The following SUGP1 variants were observed in gnomAD, a reference collection of about 807,000 sequenced individuals.
SUGP1 encodes SURP and G-patch domain-containing protein 1.
SUGP1 carries 34 observed loss-of-function variants against 76.5 expected under a neutral mutation model. The ratio of observed to expected loss-of-function variants is 0.44; its 90% CI spans 0.34 to 0.59. SUGP1 has a LOEUF of 0.59. Among genes scored for constraint, SUGP1 ranks in the 20% least tolerant of loss-of-function variants. SUGP1 has a pLI of 0.01. For missense variants in SUGP1, 752 were observed against 851.7 expected (o/e 0.88, Z 1.46); for synonymous variants, 326 against 326.2 (o/e 1.00, Z 0.01).
chr19:19,282,377 T>C (rs1237730691), intron 8 of SUGP1, among the ~76,000 whole-genome samples: 3 of 150,496 alleles, frequency 2.0e-5, no homozygotes, highest in East Asian at 2.0e-4. Context: ...GGTGGGAGGA[T>C]AGCTTGAGCC....
chr19:19,315,837 T>C (rs2061390271), intron 2 of SUGP1, among the ~76,000 whole-genome samples: 1 of 151,900 alleles, frequency 6.6e-6, no homozygotes, highest in Admixed American at 6.6e-5. Context: ...AGGTTTTTTT[T>C]TGTTTTTTTT....
chr19:19,309,726 T>C (rs1330239979), intron 3 of SUGP1, among the ~76,000 whole-genome samples: 1 of 151,940 alleles, frequency 6.6e-6, no homozygotes, highest in African/African-American at 2.4e-5. Context: ...CTGGATAACA[T>C]GATGAAACCC....
intron 2 of SUGP1, among the ~76,000 whole-genome samples, chr19:19,311,682 G>A (rs1400688493): frequency 2.1e-5 from 3 of 142,662 alleles, no homozygotes; most frequent in South Asian, 4.4e-4. Context: ...AGCCAAGATT[G>A]CGCCACTGCA....
intron 2 of SUGP1, among the ~76,000 whole-genome samples, chr19:19,311,414 T>G (rs1444099075): frequency 2.0e-5 from 3 of 151,502 alleles, no homozygotes; most frequent in African/African-American, 4.8e-5. Context: ...CAAGATTGCT[T>G]TGGCTGTTTT....
intron 3 of SUGP1, 34 bp downstream of exon 3, chr19:19,310,063 G>C: frequency 6.4e-7 from 1 of 1,567,862 alleles, no homozygotes; most frequent in Non-Finnish European, 8.8e-7. Flanking sequence ...GGAGATGCAA[G>C]GACAGCACAA....
chr19:19,303,298 G>A lies in SUGP1; in HGVS notation c.763+50C>T, dbSNP rs758151949. ...GAACCCCGATTCCGCATTGGGGCAC[G>A]GTATGTCCACAGGCCTCCCCAGAAT... is the stretch of plus-strand genomic sequence containing the variant. On this transcript the variant is annotated intron_variant, in intron 6 of 13. Transcript: ENST00000247001. The A allele has an allele frequency of 1.4e-5, 21 of 1,510,054 alleles. No individual in the cohort carries two copies. The East Asian group carries it at 1.6e-4, about 11-fold the overall frequency. The allele number at this position is 1,510,054 out of a possible 1,614,324, so 93.5% of individuals were successfully genotyped here.
intron 6 of SUGP1, 172 bp from the exon 7 acceptor site, chr19:19,302,560 C>G (rs2061280475): frequency 1.1e-6 from 1 of 928,430 alleles, no homozygotes; most frequent in African/African-American, 1.7e-5. Context: ...TCATAACACA[C>G]CTCAAGCCCC....
chr19:19,277,355 C>T (rs748728843), intron 12 of SUGP1, among the ~76,000 whole-genome samples: 3 of 152,192 alleles, frequency 2.0e-5, no homozygotes, highest in Non-Finnish European at 4.4e-5. Context: ...CAAGGACAGC[C>T]TTGAAGGGGG....
intron 8 of SUGP1, among the ~76,000 whole-genome samples, chr19:19,295,591 G>C (rs1421684930): frequency 3.1e-5 from 4 of 128,010 alleles, no homozygotes. Context: ...GGGCAACACA[G>C]TGAGACTCCT....
chr19:19,285,802 C>T (rs893241501), intron 8 of SUGP1, among the ~76,000 whole-genome samples: 7 of 151,486 alleles, frequency 4.6e-5, no homozygotes, highest in Non-Finnish European at 1.0e-4. Flanking sequence ...AGGCCTCAAG[C>T]GATCCGCCCA....
At chr19:19,288,841 A>C (rs1019295869) in intron 8 of SUGP1, among the ~76,000 whole-genome samples, 6 of 151,854 alleles carry the variant, frequency 4.0e-5, no homozygotes, top group African/African-American at 1.5e-4. Context: ...GCTGGAGTGC[A>C]GTGGCGCGAT....
chr19:19,295,605 C>CAAAAAAAA (rs55921805), intron 8 of SUGP1, among the ~76,000 whole-genome samples: 1 of 66,808 alleles, frequency 1.5e-5, no homozygotes, highest in Non-Finnish European at 3.0e-5. Context: ...GACTCCTTCT[C>CAAAAAAAA]AAAAAAAAAA....
chr19:19,280,119 G>C (rs773291843), intron 9 of SUGP1, 66 bp downstream of exon 9: 1 of 1,459,768 alleles, frequency 6.9e-7, no homozygotes, highest in Non-Finnish European at 9.5e-7. Flanking sequence ...CGCTGCACCC[G>C]GGGGTAGAGG....
chr19:19,315,083 T>C (rs1262771240), intron 2 of SUGP1, among the ~76,000 whole-genome samples: 1 of 152,102 alleles, frequency 6.6e-6, no homozygotes, highest in Admixed American at 6.6e-5. Flanking sequence ...TGTAATCCCT[T>C]TGGGAGGCCA....
intron 8 of SUGP1, chr19:19,280,593 C>T (rs6511026): frequency 0.39 from 135,792 of 349,944 alleles, 28,375 homozygotes; most frequent in African/African-American, 0.62. Context: ...ACACAGCTAA[C>T]GAGTGACAGG....
At chr19:19,313,021 TA>T (rs573272638) in intron 2 of SUGP1, among the ~76,000 whole-genome samples, 1 of 148,824 alleles carries the variant, frequency 6.7e-6, no homozygotes, top group South Asian at 2.1e-4. Context: ...AATAAATAAA[TA>T]AAAAAAAACA....
chr19:19,310,926 A>G (rs1462348619), intron 2 of SUGP1, among the ~76,000 whole-genome samples: 1 of 152,040 alleles, frequency 6.6e-6, no homozygotes, highest in Non-Finnish European at 1.5e-5. Flanking sequence ...TACAGGTGTG[A>G]GCCACCACAC....
intron 2 of SUGP1, among the ~76,000 whole-genome samples, chr19:19,313,327 G>C (rs2061366038): frequency 6.6e-6 from 1 of 151,494 alleles, no homozygotes; most frequent in African/African-American, 2.4e-5. Context: ...CCCAGGAAGC[G>C]AATGTTGCAG....
In SUGP1 at chr19:19,296,969, G is replaced by A. The variant is rs554234174; in HGVS notation, c.1243+20C>T. 6.5e-6 allele frequency: 10 copies of A among 1,539,688 alleles called. No homozygotes were observed. Among genetic ancestry groups the A allele is most frequent in the East Asian group, 2.3e-5 (1 of 43,894 alleles). On this transcript the variant is annotated intron_variant, in intron 8 of 13. Transcript: ENST00000247001. ...AAGTCAGACCCTTCCAACACAGGGA[G>A]GGGGAGAGGGTCTGCCCACCTGACA...
Sources: allele counts gnomAD v4.1 joint callset (sites outside exome capture counted in the v4.1 genomes callset), GRCh38; gene constraint gnomAD v4.1.1; transcripts MANE v1.5; gene names NCBI Gene and HGNC (gene_info 2026-07-23, HGNC 2026-07-21).